Variants in PDCD1LG2 observed in about 807,000 individuals in gnomAD.
PDCD1LG2 encodes B7 dendritic cell molecule.
In PDCD1LG2, 32 loss-of-function variants were observed where a neutral mutation model predicts 28.2. The ratio of observed to expected loss-of-function variants is 1.13; its 90% confidence interval spans 0.86 to 1.52. PDCD1LG2 has a LOEUF of 1.52. PDCD1LG2 is among the 40% of genes most tolerant of loss of function. The pLI is 0.00. For missense variants in PDCD1LG2, 385 were observed against 323.8 expected, an observed-to-expected ratio of 1.19 and a Z score of -1.45; for synonymous variants, 116 against 120.2, an observed-to-expected ratio of 0.97 and a Z score of 0.23.
chr9:5,525,833 G>A (rs1193770317), intron 2 of PDCD1LG2, among the ~76,000 whole-genome samples: 2 of 152,066 alleles, frequency 1.3e-5, no homozygotes, highest in African/African-American at 4.8e-5. Context: ...CAGATCACGA[G>A]GTCAGGAGAC....
chr9:5,537,531 A>G (rs1820603978), intron 3 of PDCD1LG2, among the ~76,000 whole-genome samples: 1 of 152,256 alleles, frequency 6.6e-6, no homozygotes, highest in Non-Finnish European at 1.5e-5. Flanking sequence ...CGTATACACC[A>G]TAGAATACTA....
At chr9:5,562,449 G>A (rs984318888) in intron 5 of PDCD1LG2, among the ~76,000 whole-genome samples, 3 of 152,182 alleles carry the variant, frequency 2.0e-5, no homozygotes, top group African/African-American at 7.2e-5. Flanking sequence ...GATATGCAAA[G>A]GCATACAGAG....
Position 5,570,182 on chromosome 9 carries a change from A to T in PDCD1LG2, c.*223A>T. ...ACTCACCTCTGGAGCCTATGGCTTT[A>T]AGCAAGCACTACTGCACTTTACAGA... On this transcript the variant is annotated 3_prime_UTR_variant, in exon 7 of 7. Coordinates refer to ENST00000397747, the MANE Select transcript of PDCD1LG2 (RefSeq NM_025239.4). 2 of 569,378 alleles carry T rather than the reference A, an allele frequency of 3.5e-6. No homozygotes were observed. The highest frequency in any genetic ancestry group is 2.6e-5 in the South Asian group (1 of 39,040). 35.3% of individuals were successfully genotyped at this position (569,378 alleles called of 1,614,324 possible).
chr9:5,554,110 G>T (rs1816390512), intron 4 of PDCD1LG2, among the ~76,000 whole-genome samples: 1 of 152,242 alleles, frequency 6.6e-6, no homozygotes, highest in African/African-American at 2.4e-5. Flanking sequence ...TGTTTGCCTT[G>T]TAACTATGCT....
intron 5 of PDCD1LG2, among the ~76,000 whole-genome samples, chr9:5,561,560 A>G (rs1816563475): frequency 6.6e-6 from 1 of 152,242 alleles, no homozygotes; most frequent in African/African-American, 2.4e-5. Flanking sequence ...GGAAGGAGAA[A>G]GTAAGTTTCA....
chr9:5,557,910 A>G (rs1007515786), intron 5 of PDCD1LG2, among the ~76,000 whole-genome samples, 158 bp downstream of exon 5: 2 of 152,232 alleles, frequency 1.3e-5, no homozygotes, highest in African/African-American at 4.8e-5. Flanking sequence ...TTTCCCCAGA[A>G]GAAAATGGCT....
Position 5,511,625 on chromosome 9 carries a change from A to G in PDCD1LG2, c.-15+822A>G, listed in dbSNP as rs118077369. ...TATTCAGTGTGAGCAGTAATGAGAC[A>G]GTTGTATCAGGGTCAAATACGGAGT... On this transcript the variant is annotated intron_variant, in intron 1 of 6. Transcript: ENST00000397747. Among the ~76,000 whole-genome samples the G allele has an allele frequency of 1.2e-4, 19 of 152,340 alleles. No homozygotes were observed. In the East Asian group the frequency reaches 3.7e-3, roughly 29 times the overall value.
intron 3 of PDCD1LG2, among the ~76,000 whole-genome samples, chr9:5,538,118 T>A (rs1201294440): frequency 6.6e-6 from 1 of 152,162 alleles, no homozygotes; most frequent in Non-Finnish European, 1.5e-5. Context: ...GAAGAATTTT[T>A]TCATTTAATA....
intron 4 of PDCD1LG2, among the ~76,000 whole-genome samples, chr9:5,554,174 C>T (rs1474666809): frequency 1.3e-5 from 2 of 152,270 alleles, no homozygotes; most frequent in South Asian, 2.1e-4. Context: ...TCACACAAGT[C>T]TTCTTTATTC....
intron 3 of PDCD1LG2, among the ~76,000 whole-genome samples, chr9:5,546,133 G>GCT (rs972100895): frequency 6.6e-6 from 1 of 152,122 alleles, no homozygotes; most frequent in African/African-American, 2.4e-5. Context: ...TAGTGGAAGA[G>GCT]CTCTCTCTCT....
At chr9:5,511,345 C>T (rs950231272) in intron 1 of PDCD1LG2, among the ~76,000 whole-genome samples, 1 of 152,088 alleles carries the variant, frequency 6.6e-6, no homozygotes, top group South Asian at 2.1e-4. Context: ...TATGGAAAGG[C>T]TTATTCTTTC....
intron 3 of PDCD1LG2, among the ~76,000 whole-genome samples, chr9:5,535,694 T>G (rs1384692264): frequency 6.6e-6 from 1 of 152,032 alleles, no homozygotes; most frequent in Non-Finnish European, 1.5e-5. Context: ...ACTGCTCAAA[T>G]GCAAGCCCTA....
intron 3 of PDCD1LG2, among the ~76,000 whole-genome samples, chr9:5,544,027 A>C (rs75955058): frequency 0.066 from 10,011 of 152,070 alleles, 1,066 homozygotes; most frequent in African/African-American, 0.22. Context: ...GTAAAACTAC[A>C]TTTTTCCATT....
At chr9:5,557,498 G>A in intron 4 of PDCD1LG2, 120 bp from the exon 5 acceptor site, 2 of 1,134,380 alleles carry the variant, frequency 1.8e-6, no homozygotes, top group Non-Finnish European at 2.6e-6. Flanking sequence ...ATAGGGCCTG[G>A]TGTGGAGTAA....
chr9:5,567,317 T>A (rs753049784), intron 6 of PDCD1LG2, among the ~76,000 whole-genome samples: 2 of 152,234 alleles, frequency 1.3e-5, no homozygotes, highest in South Asian at 4.1e-4. Context: ...TATCATAACT[T>A]ACTGTTAGAA....
At chr9:5,539,444 C>T (rs1398226452) in intron 3 of PDCD1LG2, among the ~76,000 whole-genome samples, 1 of 152,162 alleles carries the variant, frequency 6.6e-6, no homozygotes, top group African/African-American at 2.4e-5. Flanking sequence ...TTGTTTATAG[C>T]ACCTTCGTTG....
chr9:5,522,648 G>C, intron 2 of PDCD1LG2, 47 bp downstream of exon 2: 1 of 1,588,112 alleles, frequency 6.3e-7, no homozygotes, highest in South Asian at 1.1e-5. Context: ...AGCAGGTGGT[G>C]GTTCCTAGCC....
At chr9:5,523,257 G>A (rs1030124006) in intron 2 of PDCD1LG2, among the ~76,000 whole-genome samples, 4 of 152,178 alleles carry the variant, frequency 2.6e-5, no homozygotes, top group African/African-American at 9.7e-5. Context: ...AGGTAGTTCA[G>A]ACCATTCGAG....
chr9:5,524,200 A>G (rs1254410220), intron 2 of PDCD1LG2, among the ~76,000 whole-genome samples: 1 of 152,240 alleles, frequency 6.6e-6, no homozygotes, highest in Non-Finnish European at 1.5e-5. Flanking sequence ...CCAAGATTAC[A>G]TAGTTATTAG....
Sources: gnomAD v4.1 joint callset for allele counts (sites outside exome capture counted in the v4.1 genomes callset) on GRCh38, gnomAD v4.1.1 for gene constraint, MANE v1.5 for transcripts, NCBI Gene and HGNC (gene_info 2026-07-23, HGNC 2026-07-21) for gene names.